The following NAV3 variants were observed in gnomAD, a reference collection of about 807,000 sequenced individuals.
NAV3 encodes pore membrane and/or filament interacting like protein 1.
NAV3 carries 87 observed loss-of-function variants against 244.7 expected under a neutral mutation model. That is an observed-to-expected ratio of 0.36 (90% CI 0.30 to 0.42). NAV3 has a LOEUF of 0.42. NAV3 is among the 20% of genes least tolerant of loss of function. NAV3 has a pLI of 1.00. For synonymous variants in NAV3, 1,126 were observed against 1,042.2 expected (o/e 1.08, Z -1.55); for missense variants, 2,663 against 2,893.3 (o/e 0.92, Z 1.83).
intron 1 of NAV3, among the ~76,000 whole-genome samples, chr12:77,846,767 A>G (rs1025648552): frequency 1.3e-5 from 2 of 152,300 alleles, no homozygotes; most frequent in East Asian, 3.9e-4. Context: ...GAATTTTTCA[A>G]ATTAGAAGTA....
intron 11 of NAV3, among the ~76,000 whole-genome samples, chr12:78,053,536 A>G (rs1202352715): frequency 2.6e-5 from 4 of 152,156 alleles, no homozygotes; most frequent in Non-Finnish European, 5.9e-5. Context: ...ACAGCACTAT[A>G]ACTAAGGCCG....
At chr12:77,806,309 A>G (rs1004736598) in intron 2 of NAV3, among the ~76,000 whole-genome samples, 2 of 152,192 alleles carry the variant, frequency 1.3e-5, no homozygotes, top group Admixed American at 6.5e-5. Flanking sequence ...ATTTAGTGCT[A>G]TAAATTCCCC....
chr12:77,990,219 C>T (rs1871216213), intron 5 of NAV3, among the ~76,000 whole-genome samples: 1 of 151,926 alleles, frequency 6.6e-6, no homozygotes, highest in South Asian at 2.1e-4. Flanking sequence ...AATGGGAGAT[C>T]AGTCTCAAAT....
intron 13 of NAV3, among the ~76,000 whole-genome samples, chr12:78,117,681 C>G (rs1955480618): frequency 6.6e-6 from 1 of 151,578 alleles, no homozygotes; most frequent in Admixed American, 6.6e-5. Flanking sequence ...TTTATATGAT[C>G]TCTGAAATAT....
intron 2 of NAV3, among the ~76,000 whole-genome samples, chr12:77,750,524 T>C (rs1469622369): frequency 6.6e-6 from 1 of 150,558 alleles, no homozygotes; most frequent in Non-Finnish European, 1.5e-5. Flanking sequence ...ACCTGAGCAA[T>C]AGAGTGAGAC....
At chr12:78,191,712 T>C (rs1958990034) in intron 34 of NAV3, among the ~76,000 whole-genome samples, 2 of 152,158 alleles carry the variant, frequency 1.3e-5, no homozygotes, top group Non-Finnish European at 2.9e-5. Context: ...TCAGCTGACA[T>C]GTTTAATGCT....
intron 3 of NAV3, among the ~76,000 whole-genome samples, chr12:77,944,538 G>T (rs1190560759): frequency 6.6e-6 from 1 of 152,102 alleles, no homozygotes; most frequent in East Asian, 1.9e-4. Flanking sequence ...GGAACTTGAT[G>T]TATCTATTAA....
chr12:77,750,839 G>A (rs928352871), intron 2 of NAV3, among the ~76,000 whole-genome samples: 35 of 152,168 alleles, frequency 2.3e-4, no homozygotes, highest in Non-Finnish European at 4.3e-4. Context: ...GCAGAATGTA[G>A]CACTCACAGC....
chr12:77,828,551 C>T (rs1411758466), upstream of NAV3, among the ~76,000 whole-genome samples: 1 of 151,956 alleles, frequency 6.6e-6, no homozygotes, highest in Non-Finnish European at 1.5e-5. Flanking sequence ...TGACCGTAAG[C>T]TAATTTTTTA....
intron 12 of NAV3, among the ~76,000 whole-genome samples, chr12:78,112,131 C>G (rs551396891): frequency 7.9e-5 from 12 of 152,284 alleles, no homozygotes; most frequent in African/African-American, 2.9e-4. Context: ...ACACTTGAAA[C>G]TTGAGGCCAG....
rs2137469949 is a variant in NAV3 at position 77,940,379 on chromosome 12, G to A, written c.304G>A (p.Asp102Asn). 6.2e-7 allele frequency: 1 copy of A among 1,613,888 alleles called. No homozygotes were observed. The highest frequency in any genetic ancestry group is 1.7e-4 in the Middle Eastern group (1 of 6,060). Reference protein sequence around the residue: ...AKSGHKRLIKDLQQDIADGVL... With the variant: ...AKSGHKRLIKNLQQDIADGVL... ...ATCAGGCCACAAGCGGCTGATCAAG[G>A]ACTTGCAACAAGACATTGCAGATGG... The change falls in exon 2 of 40, where the codon GAC becomes AAC. Residue 102 changes from aspartate to asparagine, a missense_variant. Asp to Asn is a conservative substitution (Grantham distance 23, BLOSUM62 1). This residue lies in a region of NAV3 where 1,521 missense variants were observed against 1,497.0 expected (regional missense o/e 1.02). Transcript: ENST00000397909.
At chr12:77,612,216 G>A (rs548438417) in intron 2 of NAV3, among the ~76,000 whole-genome samples, 1 of 152,140 alleles carries the variant, frequency 6.6e-6, no homozygotes, top group South Asian at 2.1e-4. Context: ...TATGTGACTT[G>A]CATGGAAATA....
At chr12:77,746,116 C>T (rs1868529651) in intron 2 of NAV3, among the ~76,000 whole-genome samples, 1 of 151,394 alleles carries the variant, frequency 6.6e-6, no homozygotes, top group Non-Finnish European at 1.5e-5. Flanking sequence ...AAAAAAAAAT[C>T]TCTAGTATGG....
chr12:78,166,212 C>T (rs150744152), intron 23 of NAV3, among the ~76,000 whole-genome samples: 2 of 151,712 alleles, frequency 1.3e-5, no homozygotes, highest in Admixed American at 1.3e-4. Context: ...GACATTTTAC[C>T]ATGGCTTTTA....
chr12:77,688,498 A>G (rs1874861900), intron 2 of NAV3, among the ~76,000 whole-genome samples: 1 of 152,012 alleles, frequency 6.6e-6, no homozygotes, highest in African/African-American at 2.4e-5. Context: ...GGACAAAATA[A>G]TAGTAGGTGC....
At position 77,716,483 on chromosome 12, in the gene NAV3, T is replaced by A. The variant is rs186015500; in HGVS notation, c.72+144217T>A. Among the ~76,000 whole-genome samples the A allele has an allele frequency of 1.7e-3, 262 of 152,054 alleles. 1 individual carries two copies. The highest frequency in any genetic ancestry group is 6.1e-3 in the African/African-American group (254 of 41,564). Reference sequence around the variant, plus strand: ...AATCATAATAGGTAATTTCATGTTTTATGAAAAAAATTTTCATAATTTTTC... The same window carrying A: ...AATCATAATAGGTAATTTCATGTTTAATGAAAAAAATTTTCATAATTTTTC... On this transcript the variant is annotated intron_variant, in intron 2 of 8. Coordinates refer to the NAV3 transcript ENST00000550042.
At chr12:77,865,719 G>A (rs942871405) in intron 1 of NAV3, among the ~76,000 whole-genome samples, 3 of 151,430 alleles carry the variant, frequency 2.0e-5, no homozygotes, top group Non-Finnish European at 4.4e-5. Context: ...AAAACAATTC[G>A]TTGCTTCTCT....
At chr12:77,679,752 G>A (rs937686354) in intron 2 of NAV3, among the ~76,000 whole-genome samples, 4 of 152,292 alleles carry the variant, frequency 2.6e-5, no homozygotes, top group Non-Finnish European at 5.9e-5. Context: ...GACAGCGTCA[G>A]AAAAGACAAG....
chr12:78,100,147 A>C lies in NAV3; in HGVS notation c.2637-16625A>C, dbSNP rs545227814. Among the ~76,000 whole-genome samples the C allele has an allele frequency of 2.8e-4, 43 of 152,098 alleles. 1 individual carries two copies. The Middle Eastern group carries it at 0.014, about 48-fold the overall frequency. ...TGGATAAAATCAGAGCATTAAGTGC[A>C]TACTAAAAACAATAAGAATGGAAAG... On this transcript the variant is annotated intron_variant, in intron 12 of 39. Transcript: ENST00000397909.
Sources: allele counts gnomAD v4.1 joint callset (sites outside exome capture counted in the v4.1 genomes callset), GRCh38; gene constraint gnomAD v4.1.1; regional missense constraint gnomAD v4.1.1; transcripts MANE v1.5; gene names NCBI Gene and HGNC (gene_info 2026-07-23, HGNC 2026-07-21).